The following CDH18 variants were observed in gnomAD, a reference collection of about 807,000 sequenced individuals.
CDH18 encodes the protein cadherin 18, also known as cadherin-18.
In CDH18, 31 loss-of-function variants were observed where a neutral mutation model predicts 67.9. That is an observed-to-expected ratio of 0.46 (90% confidence interval 0.34 to 0.62). CDH18 has a LOEUF of 0.62. CDH18 is among the 20% of genes least tolerant of loss of function. The pLI, the probability that CDH18 is intolerant of heterozygous loss-of-function variation, is 0.01. For synonymous variants in CDH18, 362 were observed against 347.2 expected, an observed-to-expected ratio of 1.04 and a Z score of -0.48; for missense variants, 890 against 975.5, an observed-to-expected ratio of 0.91 and a Z score of 1.17.
chr5:19,477,554 A>G (rs147023193), intron 12 of CDH18, among the ~76,000 whole-genome samples: 154 of 152,254 alleles, frequency 1.0e-3, no homozygotes, highest in African/African-American at 3.5e-3. Context: ...GTACTGGAGA[A>G]TATTTCTTAA....
chr5:20,386,910 T>A (rs1458319225), intron 1 of CDH18, among the ~76,000 whole-genome samples: 1 of 152,168 alleles, frequency 6.6e-6, no homozygotes, highest in Non-Finnish European at 1.5e-5. Flanking sequence ...TGTGTGGGTA[T>A]GTGTGTATAT....
intron 1 of CDH18, among the ~76,000 whole-genome samples, chr5:20,519,139 A>G (rs781277112): frequency 2.5e-4 from 38 of 152,212 alleles, no homozygotes; most frequent in Non-Finnish European, 4.7e-4. Context: ...GATTTTCACC[A>G]TATTATTCCA....
At chr5:19,850,496 C>T (rs1783556805) in intron 2 of CDH18, among the ~76,000 whole-genome samples, 1 of 151,782 alleles carries the variant, frequency 6.6e-6, no homozygotes, top group Non-Finnish European at 1.5e-5. Context: ...CTTCTAATAG[C>T]CTCAATGAGA....
intron 2 of CDH18, among the ~76,000 whole-genome samples, chr5:20,124,450 G>A (rs1049782134): frequency 2.0e-5 from 3 of 152,154 alleles, no homozygotes; most frequent in African/African-American, 7.2e-5. Flanking sequence ...ATCACCTTGA[G>A]TACCAGTCTT....
intron 10 of CDH18, among the ~76,000 whole-genome samples, chr5:19,508,155 A>T (rs560649442): frequency 1.8e-4 from 28 of 151,844 alleles, no homozygotes; most frequent in African/African-American, 6.7e-4. Flanking sequence ...CATATTCAAT[A>T]TTTCTGTTTT....
At chr5:19,818,845 T>A (rs551921367) in intron 3 of CDH18, among the ~76,000 whole-genome samples, 32 of 152,358 alleles carry the variant, frequency 2.1e-4, no homozygotes, top group African/African-American at 7.5e-4. Flanking sequence ...GGCACATGAC[T>A]ATAATTTGTT....
chr5:19,973,862 CCT>C (rs147163025), intron 2 of CDH18, among the ~76,000 whole-genome samples: 1,844 of 152,080 alleles, frequency 0.012, 52 homozygotes, highest in African/African-American at 0.042. Context: ...AATTTAGCCC[CCT>C]GTTTTTCATA....
intron 5 of CDH18, among the ~76,000 whole-genome samples, chr5:19,709,612 C>T (rs1432392213): frequency 8.8e-6 from 1 of 113,554 alleles, no homozygotes. Context: ...GGAAGGAAGA[C>T]AGAATGACAG....
intron 2 of CDH18, among the ~76,000 whole-genome samples, chr5:19,886,729 G>C (rs541709702): frequency 6.6e-6 from 1 of 152,278 alleles, no homozygotes; most frequent in East Asian, 1.9e-4. Flanking sequence ...ATCACATCCA[G>C]CTCAAGAATT....
In CDH18 at chr5:19,867,236, A is replaced by G. The variant is rs888852192; in HGVS notation, c.-256-27994T>C. ...AATATCAGATTTTATTTTACTCATC[A>G]CTTATTTGACAATTAAAAAAGCATT... On this transcript the variant is annotated intron_variant, in intron 2 of 12. Transcript: ENST00000382275. Among the ~76,000 whole-genome samples the G allele has an allele frequency of 3.9e-5, 6 of 152,300 alleles. No individual in the cohort carries two copies. The East Asian group carries it at 7.7e-4, about 20-fold the overall frequency.
intron 5 of CDH18, among the ~76,000 whole-genome samples, chr5:19,720,485 CT>C (rs1765943895): frequency 6.6e-6 from 1 of 152,044 alleles, no homozygotes; most frequent in African/African-American, 2.4e-5. Flanking sequence ...GAACACTTGT[CT>C]AAATTAAAAA....
chr5:20,408,380 T>C (rs1032953579), intron 1 of CDH18, among the ~76,000 whole-genome samples: 6 of 151,982 alleles, frequency 3.9e-5, no homozygotes, highest in Non-Finnish European at 5.9e-5. Context: ...ATTTTTTTAA[T>C]CTTGGGGGTA....
chr5:19,596,554 A>C (rs1373062042), intron 6 of CDH18, among the ~76,000 whole-genome samples: 1 of 152,194 alleles, frequency 6.6e-6, no homozygotes, highest in South Asian at 2.1e-4. Flanking sequence ...GTCTTAGTTA[A>C]CAGAGATAAA....
At chr5:20,192,273 T>C (rs945323571) in intron 2 of CDH18, among the ~76,000 whole-genome samples, 3 of 152,070 alleles carry the variant, frequency 2.0e-5, no homozygotes, top group African/African-American at 4.8e-5. Context: ...TATGGGTAGA[T>C]TGCAAAATTT....
In CDH18 at chr5:20,466,390, T is replaced by C. The variant is rs139531750; in HGVS notation, c.-580+109072A>G. Among the ~76,000 whole-genome samples, 1,073 of 152,180 alleles carry C rather than the reference T, an allele frequency of 7.1e-3. 1 individual carries two copies. The highest frequency in any genetic ancestry group is 0.024 in the Middle Eastern group (7 of 294). On this transcript the variant is annotated intron_variant, in intron 1 of 14. Transcript: ENST00000507958. ...GATTGGGAAGTTCTTTATCGGAAAA[T>C]CAATAAAATCTTGCAGCCTTGCCGT...
At chr5:20,481,014 A>G (rs1049671665) in intron 1 of CDH18, among the ~76,000 whole-genome samples, 2 of 152,116 alleles carry the variant, frequency 1.3e-5, no homozygotes, top group Non-Finnish European at 2.9e-5. Context: ...TTGGATGTAA[A>G]TGGACAAAAT....
At chr5:20,271,300 G>T (rs932792229) in intron 1 of CDH18, among the ~76,000 whole-genome samples, 1 of 152,082 alleles carries the variant, frequency 6.6e-6, no homozygotes, top group African/African-American at 2.4e-5. Flanking sequence ...CTCACGAGAG[G>T]CTGGTCAATG....
rs181039432 is a variant in CDH18, at chr5:20,442,874, C to A, written c.-580+132588G>T. Among the ~76,000 whole-genome samples the A allele has an allele frequency of 1.6e-3, 241 of 151,932 alleles. 12 individuals carry two copies. The highest frequency in any genetic ancestry group is 5.8e-3 in the African/African-American group (238 of 41,266). On this transcript the variant is annotated intron_variant, in intron 1 of 14. Transcript: ENST00000507958. Reference sequence around the variant, plus strand: ...ATACAATGGATCAGATATGTAGACACTACTAAAAAGCAACTCAGATACTAC... The same window carrying A: ...ATACAATGGATCAGATATGTAGACAATACTAAAAAGCAACTCAGATACTAC...
intron 2 of CDH18, among the ~76,000 whole-genome samples, chr5:20,045,686 T>C (rs1478507183): frequency 6.6e-6 from 1 of 151,958 alleles, no homozygotes; most frequent in Non-Finnish European, 1.5e-5. Context: ...GGGATTGGTA[T>C]TGTTTTGGAT....
Sources: gnomAD v4.1 joint callset for allele counts (sites outside exome capture counted in the v4.1 genomes callset) on GRCh38, gnomAD v4.1.1 for gene constraint, MANE v1.5 for transcripts, NCBI Gene and HGNC (gene_info 2026-07-23, HGNC 2026-07-21) for gene names.